CAMKMT: variants seen among roughly 807,000 people sequenced by gnomAD.
CAMKMT encodes the protein CaM KMT.
CAMKMT carries 53 observed loss-of-function variants against 48.0 expected under a neutral mutation model. The ratio of observed to expected loss-of-function variants is 1.10; its 90% confidence interval spans 0.89 to 1.39. The LOEUF (loss-of-function observed/expected upper bound fraction) is 1.39, where lower values mean the gene tolerates loss of function less well. CAMKMT is among the 40% of genes most tolerant of loss of function. The pLI is 0.00. For synonymous variants in CAMKMT, 165 were observed against 152.3 expected (o/e 1.08, Z -0.61); for missense variants, 428 against 402.7 (o/e 1.06, Z -0.54).
intron 3 of CAMKMT, among the ~76,000 whole-genome samples, chr2:44,490,095 T>G (rs949441065): frequency 1.3e-5 from 2 of 152,184 alleles, no homozygotes; most frequent in African/African-American, 4.8e-5. Flanking sequence ...ATTATATATA[T>G]TTTTAATGCA....
intron 3 of CAMKMT, among the ~76,000 whole-genome samples, chr2:44,477,831 G>A (rs1224659044): frequency 1.3e-5 from 2 of 152,186 alleles, no homozygotes; most frequent in Non-Finnish European, 2.9e-5. Flanking sequence ...TATTCACAAT[G>A]GTACAGGTAT....
chr2:44,737,242 G>T (rs569974702), intron 7 of CAMKMT, among the ~76,000 whole-genome samples: 9 of 152,056 alleles, frequency 5.9e-5, no homozygotes, highest in African/African-American at 2.2e-4. Context: ...CAGCCCCCCA[G>T]GTAGCTGGGA....
chr2:44,427,671 A>ATATG (rs1361030322), intron 3 of CAMKMT, among the ~76,000 whole-genome samples: 1 of 152,222 alleles, frequency 6.6e-6, no homozygotes, highest in Non-Finnish European at 1.5e-5. Context: ...TAAAATGTGT[A>ATATG]TATGTATTTT....
chr2:44,583,500 A>C (rs1669682682), intron 3 of CAMKMT, among the ~76,000 whole-genome samples: 1 of 152,174 alleles, frequency 6.6e-6, no homozygotes, highest in Non-Finnish European at 1.5e-5. Context: ...TTTGCACTTA[A>C]AAATAAAATG....
intron 3 of CAMKMT, among the ~76,000 whole-genome samples, chr2:44,666,900 G>A (rs763598695): frequency 1.6e-4 from 25 of 152,150 alleles, no homozygotes; most frequent in Admixed American, 5.2e-4. Context: ...GAGCTACCAC[G>A]CCCAGCTATG....
At chr2:44,586,398 C>G (rs1669862428) in intron 3 of CAMKMT, among the ~76,000 whole-genome samples, 1 of 151,968 alleles carries the variant, frequency 6.6e-6, no homozygotes, top group Non-Finnish European at 1.5e-5. Flanking sequence ...ACATATTTAT[C>G]ACCCCCAAAA....
intron 3 of CAMKMT, among the ~76,000 whole-genome samples, chr2:44,557,420 G>C (rs1668073860): frequency 6.6e-6 from 1 of 152,056 alleles, no homozygotes; most frequent in Non-Finnish European, 1.5e-5. Context: ...GTACAATAAG[G>C]GCAGGCCATT....
intron 3 of CAMKMT, among the ~76,000 whole-genome samples, chr2:44,475,620 G>A (rs923520414): frequency 6.6e-6 from 1 of 151,960 alleles, no homozygotes; most frequent in African/African-American, 2.4e-5. Flanking sequence ...TGGCCTATAA[G>A]TAGAAATTTT....
In CAMKMT at chr2:44,386,247, T is replaced by C. The variant is rs564880033; in HGVS notation, c.312-3994T>C. Among the ~76,000 whole-genome samples, 8 of 152,200 alleles carry C rather than the reference T, an allele frequency of 5.3e-5. No individual in the cohort carries two copies. In the East Asian group the frequency reaches 1.5e-3, roughly 29 times the overall value. Reference sequence around the variant, plus strand: ...GTATCTAATTTTTCCTGATTTAAGCTAGGAGGGTTATATTTTTCCAGGAAT... The same window carrying C: ...GTATCTAATTTTTCCTGATTTAAGCCAGGAGGGTTATATTTTTCCAGGAAT... On this transcript the variant is annotated intron_variant, in intron 2 of 10. Transcript: ENST00000378494.
chr2:44,760,694 G>A (rs913012226), intron 9 of CAMKMT, among the ~76,000 whole-genome samples: 2 of 151,944 alleles, frequency 1.3e-5, no homozygotes, highest in African/African-American at 4.8e-5. Flanking sequence ...GTAACGGAGA[G>A]CCATTGAAAG....
chr2:44,527,353 T>A (rs1213209450), intron 3 of CAMKMT, among the ~76,000 whole-genome samples: 1 of 143,382 alleles, frequency 7.0e-6, no homozygotes, highest in African/African-American at 2.6e-5. Flanking sequence ...TATACATATA[T>A]AATATATATA....
chr2:44,531,960 A>C (rs1229057885), intron 3 of CAMKMT, among the ~76,000 whole-genome samples: 2 of 152,192 alleles, frequency 1.3e-5, no homozygotes, highest in African/African-American at 4.8e-5. Context: ...AATTTTAGGA[A>C]CTGTGCAACT....
At chr2:44,667,224 C>A (rs1675041046) in intron 3 of CAMKMT, among the ~76,000 whole-genome samples, 1 of 152,172 alleles carries the variant, frequency 6.6e-6, no homozygotes, top group African/African-American at 2.4e-5. Context: ...GCTAAAGTCT[C>A]CTGACTAAAT....
chr2:44,504,718 T>G (rs1409482140), intron 3 of CAMKMT, among the ~76,000 whole-genome samples: 1 of 152,226 alleles, frequency 6.6e-6, no homozygotes, highest in Non-Finnish European at 1.5e-5. Context: ...TAATGGCTGA[T>G]GTTGTCAAAG....
At chr2:44,451,890 C>T (rs1428432760) in intron 3 of CAMKMT, among the ~76,000 whole-genome samples, 1 of 151,084 alleles carries the variant, frequency 6.6e-6, no homozygotes, top group African/African-American at 2.4e-5. Context: ...TTGTAATAGC[C>T]AATAGCCAAA....
intron 3 of CAMKMT, among the ~76,000 whole-genome samples, chr2:44,498,188 G>A (rs1263839152): frequency 2.0e-5 from 3 of 152,102 alleles, no homozygotes; most frequent in Non-Finnish European, 4.4e-5. Flanking sequence ...TAGAAAATGA[G>A]CAATGCTTAA....
At chr2:44,375,832 C>T (rs1170116639) in intron 2 of CAMKMT, among the ~76,000 whole-genome samples, 3 of 151,868 alleles carry the variant, frequency 2.0e-5, no homozygotes, top group African/African-American at 7.3e-5. Flanking sequence ...GTCACCCAGG[C>T]TGGAGTGCAG....
intron 3 of CAMKMT, among the ~76,000 whole-genome samples, chr2:44,661,691 C>T (rs1482312756): frequency 6.6e-6 from 1 of 152,140 alleles, no homozygotes; most frequent in Non-Finnish European, 1.5e-5. Context: ...CATGAAAGAA[C>T]AATCTTAAAC....
At chr2:44,628,396 C>A (rs1431011486) in intron 3 of CAMKMT, among the ~76,000 whole-genome samples, 1 of 151,898 alleles carries the variant, frequency 6.6e-6, no homozygotes, top group Non-Finnish European at 1.5e-5. Flanking sequence ...TTTTCTTTCT[C>A]CTTTTATCTT....
Sources: gnomAD v4.1 joint callset for allele counts (sites outside exome capture counted in the v4.1 genomes callset) on GRCh38, gnomAD v4.1.1 for gene constraint, MANE v1.5 for transcripts, NCBI Gene and HGNC (gene_info 2026-07-23, HGNC 2026-07-21) for gene names.